MYO6: variants seen among roughly 807,000 people sequenced by gnomAD.
MYO6 encodes the protein myosin VI.
Under a neutral mutation model 178.7 loss-of-function variants are expected in MYO6, and 74 were observed. The ratio of observed to expected loss-of-function variants is 0.41; its 90% confidence interval spans 0.34 to 0.50. The LOEUF (loss-of-function observed/expected upper bound fraction) is 0.50. Ranked by LOEUF, MYO6 falls within the 20% of genes least tolerant of loss-of-function variation. The probability of loss-of-function intolerance (pLI) is 0.09; values close to 1 mark genes in which losing one functional copy is unlikely to be tolerated. For missense variants in MYO6, 1,330 were observed against 1,547.4 expected, an observed-to-expected ratio of 0.86 and a Z score of 2.36; for synonymous variants, 477 against 504.6, an observed-to-expected ratio of 0.95 and a Z score of 0.73.
At chr6:75,857,370 T>C in intron 13 of MYO6, 116 bp downstream of exon 13, 1 of 1,031,698 alleles carries the variant, frequency 9.7e-7, no homozygotes, top group South Asian at 1.3e-5. Flanking sequence ...TGTGTAATTA[T>C]ATGTCCACAC....
At chr6:75,857,312 A>G in intron 13 of MYO6, 58 bp downstream of exon 13, 1 of 1,530,254 alleles carries the variant, frequency 6.5e-7, no homozygotes, top group Admixed American at 1.7e-5. Context: ...ACACATTAGA[A>G]TTTGTTCTTA....
In MYO6 at chr6:75,767,184, C is replaced by T. The variant is rs747105073; in HGVS notation, c.-48+17761C>T. Among the ~76,000 whole-genome samples the T allele has an allele frequency of 5.1e-4, 77 of 152,100 alleles. 1 individual carries two copies. Among genetic ancestry groups the T allele is most frequent in the Non-Finnish European group, 8.8e-4 (60 of 68,012 alleles). ...GAGATTACAGGCGTGCACCACCACG[C>T]CCAGCTAATATTTTGTATTTTTAGT... On this transcript the variant is annotated intron_variant, in intron 1 of 34. Transcript: ENST00000369977.
intron 1 of MYO6, among the ~76,000 whole-genome samples, chr6:75,795,617 T>G (rs1768737873): frequency 6.6e-6 from 1 of 152,228 alleles, no homozygotes; most frequent in South Asian, 2.1e-4. Context: ...GACATTCCCA[T>G]TATAATGTTT....
intron 1 of MYO6, among the ~76,000 whole-genome samples, chr6:75,784,802 A>AAAAG (rs1285220247): frequency 6.8e-6 from 1 of 147,022 alleles, no homozygotes; most frequent in African/African-American, 2.6e-5. Context: ...AAAAAAAAAA[A>AAAAG]AGAGGGTGGA....
chr6:75,918,168 G>A lies in MYO6; in HGVS notation c.*3156G>A, dbSNP rs897230060. 3.9e-5 allele frequency: 6 copies of A among 152,188 alleles called. No individual in the cohort carries two copies. Among genetic ancestry groups the A allele is most frequent in the African/African-American group, 1.4e-4 (6 of 41,446 alleles). 9.4% of individuals were successfully genotyped at this position (152,188 alleles called of 1,614,324 possible). A position where few individuals can be genotyped will look rare whatever the true frequency, so the allele number is the denominator to read the frequency against. ...CTCTGTCATTCCACAACTTCAGAAG[G>A]TGTGACAGGTTTTCCCTATTTATCA... On this transcript the variant is annotated 3_prime_UTR_variant, in exon 35 of 35. Coordinates refer to ENST00000369977, the MANE Select transcript of MYO6 (RefSeq NM_004999.4).
rs1301850477 is a variant in MYO6 at position 75,919,522 on chromosome 6, C to T, written c.*4510C>T. On this transcript the variant is annotated 3_prime_UTR_variant, in exon 35 of 35. Coordinates refer to ENST00000369977, the MANE Select transcript of MYO6 (RefSeq NM_004999.4). ...CTGGAAATACAAATAAATAAATGCTCCCTGTGTAGAATTTCCACTTGCATC... is the reference window on the plus strand; with the variant it reads ...CTGGAAATACAAATAAATAAATGCTTCCTGTGTAGAATTTCCACTTGCATC... The T allele has an allele frequency of 6.6e-6, 1 of 152,548 alleles. No individual in the cohort carries two copies. Among genetic ancestry groups the T allele is most frequent in the Non-Finnish European group, 1.5e-5 (1 of 68,024 alleles). The allele number at this position is 152,548 out of a possible 1,614,324, so 9.4% of individuals were successfully genotyped here.
At chr6:75,805,107 C>T (rs1310254337) in intron 1 of MYO6, among the ~76,000 whole-genome samples, 1 of 145,902 alleles carries the variant, frequency 6.9e-6, no homozygotes, top group Non-Finnish European at 1.5e-5. Context: ...TCACTGCAAC[C>T]TCTGCCTCGT....
At chr6:75,877,958 T>C (rs539708631) in intron 20 of MYO6, among the ~76,000 whole-genome samples, 24 of 152,330 alleles carry the variant, frequency 1.6e-4, no homozygotes, top group African/African-American at 4.3e-4. Context: ...TTTCCAAAGG[T>C]ACTTGTTTAT....
intron 6 of MYO6, among the ~76,000 whole-genome samples, chr6:75,833,287 T>C (rs1218633478): frequency 6.6e-6 from 1 of 152,206 alleles, no homozygotes. Flanking sequence ...ACCACCATGC[T>C]TGGCAACCAG....
intron 1 of MYO6, among the ~76,000 whole-genome samples, chr6:75,803,370 A>G (rs1033711406): frequency 1.3e-5 from 2 of 152,170 alleles, no homozygotes; most frequent in Non-Finnish European, 2.9e-5. Flanking sequence ...AAGTGATAGC[A>G]GACTTAGCTT....
intron 19 of MYO6, among the ~76,000 whole-genome samples, chr6:75,871,773 A>T (rs1777171822): frequency 6.6e-6 from 1 of 152,100 alleles, no homozygotes; most frequent in Non-Finnish European, 1.5e-5. Context: ...TGCTGCTCTA[A>T]AATTATGAGA....
In MYO6 at chr6:75,841,153, G is replaced by C. The variant is rs1774184511; in HGVS notation, c.652-61G>C. Reference sequence around the variant, plus strand: ...AGAAAAGGTAAATAATTTAACATTGGTTAATTATATTTTAAGACTTTAAAT... The same window carrying C: ...AGAAAAGGTAAATAATTTAACATTGCTTAATTATATTTTAAGACTTTAAAT... On this transcript the variant is annotated intron_variant, in intron 8 of 34. Transcript: ENST00000369977. 2.0e-6 allele frequency: 3 copies of C among 1,465,584 alleles called. No homozygotes were observed. The East Asian group carries it at 7.0e-5, about 34-fold the overall frequency. The allele number at this position is 1,465,584 out of a possible 1,614,324, so 90.8% of individuals were successfully genotyped here. A position where few individuals can be genotyped will look rare whatever the true frequency, so the allele number is the denominator to read the frequency against.
In MYO6 at chr6:75,848,371, G is replaced by A; in HGVS notation, c.918G>A (p.Met306Ile). The change falls in exon 11 of 35, where the codon ATG becomes ATA. Residue 306 changes from methionine (M) to isoleucine (I), a missense_variant. Physicochemically the swap from Met to Ile is conservative, Grantham distance 10 (BLOSUM62 1). This residue lies in a region of MYO6 where 613 missense variants were observed against 816.8 expected (regional missense o/e 0.75). Coordinates refer to ENST00000369977, the MANE Select transcript of MYO6 (RefSeq NM_004999.4). ...KSPEYLKAGSMKDPLLDDHGD... is the reference protein window; with the variant it reads ...KSPEYLKAGSIKDPLLDDHGD... Reference sequence around the variant, plus strand: ...TGTAGTACCTTAAGGCAGGTTCTATGAAAGATCCTCTGCTAGATGACCATG... The same window carrying A: ...TGTAGTACCTTAAGGCAGGTTCTATAAAAGATCCTCTGCTAGATGACCATG... The A allele has an allele frequency of 6.2e-7, 1 of 1,613,664 alleles. No homozygotes were observed. Among genetic ancestry groups the A allele is most frequent in the African/African-American group, 1.3e-5 (1 of 74,988 alleles).
rs575316114 is a variant in MYO6 at position 75,829,082 on chromosome 6, G to A, written c.261+469G>A. On this transcript the variant is annotated intron_variant, in intron 4 of 34. Transcript: ENST00000369977. ...AAAATGTAAATCAGAATAGGAGGTA[G>A]TATCTGAGGAAATACTAAGAACACA... Among the ~76,000 whole-genome samples the A allele has an allele frequency of 2.6e-5, 4 of 152,234 alleles. No homozygotes were observed. In the South Asian group the frequency reaches 6.2e-4, roughly 24 times the overall value.
rs3756903 is a variant in MYO6 at position 75,845,215 on chromosome 6, C to T, written c.897+238C>T. ...TTGGGCATCACTGCATTGCTCTCCT[C>T]TCATTCTGTTTTCAAGCATGAAGGT... On this transcript the variant is annotated intron_variant, in intron 10 of 34. Coordinates refer to ENST00000369977, the MANE Select transcript of MYO6 (RefSeq NM_004999.4). 4.0e-3 allele frequency among the ~76,000 whole-genome samples: 613 copies of T among 152,278 alleles called. 11 individuals carry two copies. In the East Asian group the frequency reaches 0.04, roughly 10 times the overall value.
At chr6:75,808,105 G>A (rs1770283321) in intron 1 of MYO6, among the ~76,000 whole-genome samples, 1 of 152,196 alleles carries the variant, frequency 6.6e-6, no homozygotes, top group African/African-American at 2.4e-5. Context: ...AAAACAGCAA[G>A]GAATACTTTA....
intron 14 of MYO6, among the ~76,000 whole-genome samples, chr6:75,860,779 A>C (rs1776133806): frequency 1.3e-5 from 2 of 152,210 alleles, no homozygotes; most frequent in African/African-American, 4.8e-5. Flanking sequence ...CAAGTGATGT[A>C]TCATATATAT....
In MYO6 at chr6:75,830,518, A is replaced by G; in HGVS notation, c.364A>G (p.Thr122Ala). 1 of 1,612,354 alleles carries G rather than the reference A, an allele frequency of 6.2e-7. No homozygotes were observed. Among genetic ancestry groups the G allele is most frequent in the Non-Finnish European group, 8.5e-7 (1 of 1,178,612 alleles). ...IKSYQGKSLG[T>A]RPPHVFAIAD... ...GTCATATCAAGGAAAATCTCTTGGGACAAGACCACCTCATGTCTTTGCAAT... is the reference window on the plus strand; with the variant it reads ...GTCATATCAAGGAAAATCTCTTGGGGCAAGACCACCTCATGTCTTTGCAAT... The change falls in exon 5 of 35, where the codon ACA (threonine) becomes GCA (alanine). Residue 122 changes from threonine (T) to alanine (A), a missense_variant. Physicochemically the swap from Thr to Ala is moderately conservative, Grantham distance 58. Around this residue, in one of 3 missense-constraint regions of MYO6, gnomAD observed 613 missense variants for 816.8 expected, o/e 0.75. Transcript: ENST00000369977.
intron 22 of MYO6, among the ~76,000 whole-genome samples, chr6:75,881,242 G>A (rs1407802450): frequency 6.6e-6 from 1 of 152,070 alleles, no homozygotes; most frequent in Non-Finnish European, 1.5e-5. Context: ...GGTGGGTAAT[G>A]GGAGTTAGGA....
Sources: allele counts gnomAD v4.1 joint callset (sites outside exome capture counted in the v4.1 genomes callset), GRCh38; gene constraint gnomAD v4.1.1; regional missense constraint gnomAD v4.1.1; transcripts MANE v1.5; gene names NCBI Gene and HGNC (gene_info 2026-07-23, HGNC 2026-07-21).